Variants in C3orf70 observed in about 807,000 individuals in gnomAD.
C3orf70 encodes the protein chromosome 3 open reading frame 70.
In C3orf70, 15 loss-of-function variants were observed where a neutral mutation model predicts 20.7. The ratio of observed to expected loss-of-function variants is 0.72; its 90% CI spans 0.48 to 1.11. C3orf70 has a LOEUF of 1.11. Among genes scored for constraint, C3orf70 ranks in the 50% most tolerant of loss-of-function variants. The pLI is 0.00. For synonymous variants in C3orf70, 161 were observed against 125.7 expected (o/e 1.28, Z -1.88); for missense variants, 332 against 317.6 (o/e 1.05, Z -0.34).
chr3:185,139,306 A>C (rs1716697800), intron 1 of C3orf70, among the ~76,000 whole-genome samples: 1 of 151,864 alleles, frequency 6.6e-6, no homozygotes, highest in African/African-American at 2.4e-5. Context: ...TAATCCCAGC[A>C]CTTTGGGAGG....
rs1258638795 is a variant in C3orf70 at position 185,123,125 on chromosome 3, GC to G, written c.196+29502del. On this transcript the variant is annotated intron_variant, in intron 1 of 1. Transcript: ENST00000335012. ...CCTGGGAGGACAGAGGTTGCAGTGA[GC>G]CAAGATCGCGCCACTGCACTCCAGC... Among the ~76,000 whole-genome samples the G allele has an allele frequency of 2.1e-5, 3 of 142,428 alleles. No individual in the cohort carries two copies. In the Admixed American group the frequency reaches 2.2e-4, roughly 10 times the overall value. The allele number at this position is 142,428 out of a possible 152,430, so 93.4% of individuals were successfully genotyped here.
At chr3:185,123,342 G>A (rs1479316718) in intron 1 of C3orf70, among the ~76,000 whole-genome samples, 1 of 152,020 alleles carries the variant, frequency 6.6e-6, no homozygotes, top group East Asian at 1.9e-4. Context: ...CTCTTTGAAA[G>A]AGGACATATG....
Position 185,082,783 on chromosome 3 carries a change from T to G in C3orf70, c.*224A>C. 3 of 508,030 alleles carry G rather than the reference T, an allele frequency of 5.9e-6. No individual in the cohort carries two copies. The highest frequency in any genetic ancestry group is 7.0e-6 in the Non-Finnish European group (2 of 287,294). The allele number at this position is 508,030 out of a possible 1,614,324, so 31.5% of individuals were successfully genotyped here. On this transcript the variant is annotated 3_prime_UTR_variant, in exon 2 of 2. Transcript: ENST00000335012. ...ACAATTCATGACACCAGATGCTACA[T>G]AGAAAGTAAGTCAGGATACAAAAGA...
At chr3:185,118,015 A>G (rs764285695) in intron 1 of C3orf70, among the ~76,000 whole-genome samples, 2 of 152,172 alleles carry the variant, frequency 1.3e-5, no homozygotes, top group South Asian at 4.1e-4. Context: ...CCTTCACTGC[A>G]TTTATCACAA....
Position 185,083,085 on chromosome 3 carries a change from C to T in C3orf70, c.675G>A (p.Trp225Ter). ...SEEDYSPESS[W>*]EPDECTLLSP... ...AGAGAAGGGTGCACTCATCCGGTTC[C>T]CAGCTGCTCTCTGGACTGTAATCTT... Residue 225 changes from tryptophan to a stop codon, truncating the protein, a stop_gained, in exon 2 of 2, where the codon TGG becomes TGA. Coordinates refer to ENST00000335012, the MANE Select transcript of C3orf70 (RefSeq NM_001025266.3). LOFTEE classifies it high-confidence loss of function. 2 of 1,614,162 alleles carry T rather than the reference C, an allele frequency of 1.2e-6. No homozygotes were observed. The highest frequency in any genetic ancestry group is 1.7e-6 in the Non-Finnish European group (2 of 1,180,034).
chr3:185,108,599 G>T (rs11926343), intron 1 of C3orf70, among the ~76,000 whole-genome samples: 7,908 of 152,268 alleles, frequency 0.052, 661 homozygotes, highest in African/African-American at 0.18. Flanking sequence ...TAGTTGCTAA[G>T]GCAATATTTA....
intron 1 of C3orf70, among the ~76,000 whole-genome samples, chr3:185,129,240 A>G (rs972332620): frequency 4.6e-5 from 7 of 152,146 alleles, no homozygotes; most frequent in African/African-American, 1.7e-4. Context: ...TCTGCCCTCT[A>G]AAAGTCCACA....
intron 1 of C3orf70, among the ~76,000 whole-genome samples, chr3:185,108,994 C>T (rs1488872863): frequency 6.6e-6 from 1 of 152,222 alleles, no homozygotes; most frequent in African/African-American, 2.4e-5. Context: ...ACTAGCCAAG[C>T]TCTAGCTACA....
chr3:185,084,298 TGTAA>T (rs1715415895), intron 1 of C3orf70, among the ~76,000 whole-genome samples: 1 of 152,184 alleles, frequency 6.6e-6, no homozygotes, highest in South Asian at 2.1e-4. Flanking sequence ...TTTAAATGTA[TGTAA>T]GTTTATCATC....
chr3:185,134,221 G>A (rs989526855), intron 1 of C3orf70, among the ~76,000 whole-genome samples: 5 of 152,008 alleles, frequency 3.3e-5, no homozygotes, highest in Non-Finnish European at 5.9e-5. Flanking sequence ...TTATTCTGGT[G>A]ACAGTAACAC....
intron 1 of C3orf70, among the ~76,000 whole-genome samples, chr3:185,136,277 T>C (rs1036304464): frequency 1.3e-5 from 2 of 152,184 alleles, no homozygotes; most frequent in African/African-American, 4.8e-5. Context: ...CAAATGTGTA[T>C]GCATCAGACA....
intron 1 of C3orf70, among the ~76,000 whole-genome samples, chr3:185,085,048 C>T (rs554560345): frequency 8.5e-5 from 13 of 152,262 alleles, no homozygotes; most frequent in African/African-American, 2.9e-4. Flanking sequence ...CTCGGCCTCT[C>T]CCCACTAGAT....
At position 185,082,771 on chromosome 3, in the gene C3orf70, C is replaced by G. The variant is rs1394146324; in HGVS notation, c.*236G>C. 2 of 486,494 alleles carry G rather than the reference C, an allele frequency of 4.1e-6. No individual in the cohort carries two copies. Among genetic ancestry groups the G allele is most frequent in the Non-Finnish European group, 7.3e-6 (2 of 274,816 alleles). 30.1% of individuals were successfully genotyped at this position (486,494 alleles called of 1,614,324 possible). ...TAAGGCGGGGTCACAATTCATGACA[C>G]CAGATGCTACATAGAAAGTAAGTCA... On this transcript the variant is annotated 3_prime_UTR_variant, in exon 2 of 2. Transcript: ENST00000335012.
chr3:185,147,558 C>A (rs1274462180), intron 1 of C3orf70, among the ~76,000 whole-genome samples: 1 of 152,010 alleles, frequency 6.6e-6, no homozygotes, highest in Non-Finnish European at 1.5e-5. Context: ...GGTGTAGAAT[C>A]GAACAGAGCT....
chr3:185,134,412 G>T (rs1027150527), intron 1 of C3orf70, among the ~76,000 whole-genome samples: 1 of 152,140 alleles, frequency 6.6e-6, no homozygotes, highest in South Asian at 2.1e-4. Context: ...AAGACTGAAA[G>T]GTGGGGAGAA....
chr3:185,083,414 G>C lies in C3orf70; in HGVS notation c.346C>G (p.Leu116Val). ...LKFASVFQPP[L>V]PPDSPRYCMI... ...CAGTACCTCGGTGAGTCAGGGGGAAGGGGAGGCTGGAAGACAGATGCAAAT... is the reference window on the plus strand; with the variant it reads ...CAGTACCTCGGTGAGTCAGGGGGAACGGGAGGCTGGAAGACAGATGCAAAT... The change falls in exon 2 of 2, where the codon CTT (leucine) becomes GTT (valine). Residue 116 changes from leucine (L) to valine (V), a missense_variant. By Grantham distance (32) the Leu-to-Val change is conservative (BLOSUM62 1). Transcript: ENST00000335012. 1 of 1,614,142 alleles carries C rather than the reference G, an allele frequency of 6.2e-7. No individual in the cohort carries two copies. The highest frequency in any genetic ancestry group is 8.5e-7 in the Non-Finnish European group (1 of 1,180,028).
intron 1 of C3orf70, among the ~76,000 whole-genome samples, chr3:185,120,770 A>C (rs908483796): frequency 1.3e-5 from 2 of 152,046 alleles, no homozygotes; most frequent in African/African-American, 4.8e-5. Context: ...GAACACTTCT[A>C]CACTGCTGGT....
At chr3:185,095,034 A>G (rs1373874820) in intron 1 of C3orf70, among the ~76,000 whole-genome samples, 1 of 152,202 alleles carries the variant, frequency 6.6e-6, no homozygotes, top group Non-Finnish European at 1.5e-5. Flanking sequence ...TGACTGCAGA[A>G]GCTACTGTTG....
chr3:185,100,653 A>G (rs1346521422), intron 1 of C3orf70, among the ~76,000 whole-genome samples: 1 of 152,176 alleles, frequency 6.6e-6, no homozygotes, highest in African/African-American at 2.4e-5. Flanking sequence ...GAGCAAGCCA[A>G]TCCCAAAGCT....
Sources: gnomAD v4.1 joint callset for allele counts (sites outside exome capture counted in the v4.1 genomes callset) on GRCh38, gnomAD v4.1.1 for gene constraint, MANE v1.5 for transcripts, NCBI Gene and HGNC (gene_info 2026-07-23, HGNC 2026-07-21) for gene names.